DPYSL2: variants seen among roughly 807,000 people sequenced by gnomAD.
The protein encoded by DPYSL2 is dihydropyrimidinase like 2, also known as dihydropyrimidinase-related protein 2.
A neutral mutation model predicts 69.9 loss-of-function variants in DPYSL2; 13 were observed. The ratio of observed to expected loss-of-function variants is 0.19; its 90% CI spans 0.12 to 0.30. DPYSL2 has a LOEUF of 0.30. Ranked by LOEUF, DPYSL2 falls within the 10% of genes least tolerant of loss-of-function variation. The probability of loss-of-function intolerance (pLI) is 1.00; values close to 1 mark genes in which losing one functional copy is unlikely to be tolerated. For synonymous variants in DPYSL2, 326 were observed against 359.1 expected, an observed-to-expected ratio of 0.91 and a Z score of 1.04; for missense variants, 587 against 918.9, an observed-to-expected ratio of 0.64 and a Z score of 4.67.
chr8:26,569,929 G>C (rs1298968999), intron 1 of DPYSL2, among the ~76,000 whole-genome samples: 1 of 152,176 alleles, frequency 6.6e-6, no homozygotes, highest in Non-Finnish European at 1.5e-5. Flanking sequence ...GATCAGTCGG[G>C]CGCGGTGGCT....
rs1385249051 is a variant in DPYSL2 at position 26,593,589 on chromosome 8, T to A, written c.628+9606T>A. On this transcript the variant is annotated intron_variant, in intron 3 of 13. Coordinates refer to ENST00000521913, the MANE Select transcript of DPYSL2 (RefSeq NM_001197293.3). The surrounding 1 kb of genome is among the most constrained non-coding windows in gnomAD (Gnocchi z 5.7). ...AAGCTTAACCATGGAGGGGCTGAGC[T>A]AATTGTCACCAGAAAGAGCCTCCTC... 3.3e-5 allele frequency among the ~76,000 whole-genome samples: 5 copies of A among 152,182 alleles called. No homozygotes were observed. The highest frequency in any genetic ancestry group is 7.4e-5 in the Non-Finnish European group (5 of 68,022).
At chr8:26,543,831 T>C (rs905116940) in intron 1 of DPYSL2, among the ~76,000 whole-genome samples, 4 of 152,184 alleles carry the variant, frequency 2.6e-5, no homozygotes, top group Admixed American at 2.6e-4. Context: ...AGGGTGTTCC[T>C]ATTTAAAAGA....
chr8:26,542,689 G>T (rs1007029305), intron 1 of DPYSL2, among the ~76,000 whole-genome samples: 18 of 152,108 alleles, frequency 1.2e-4, no homozygotes, highest in Admixed American at 1.2e-3. Flanking sequence ...TCCTCATAAA[G>T]TGTTGGGATT....
At chr8:26,577,316 G>A in intron 1 of DPYSL2, 1 of 241,630 alleles carries the variant, frequency 4.1e-6, no homozygotes, top group Non-Finnish European at 8.0e-6. Context: ...CTCCCCGCCG[G>A]GTTCCCGCCC....
rs1800948958 is a variant in DPYSL2 at position 26,556,110 on chromosome 8, A to ATATAGTATATATATACTATATATAG, written c.355-25855_355-25854insGTATATATATACTATATATAGTATA. On this transcript the variant is annotated intron_variant, in intron 1 of 13. Coordinates refer to ENST00000521913, the MANE Select transcript of DPYSL2 (RefSeq NM_001197293.3). ...ATACTATATAAATTATATATAGTAT[A>ATATAGTATATATATACTATATATAG]TATATACTATATATATTATATATAC... Among the ~76,000 whole-genome samples, 6 of 14,928 alleles carry ATATAGTATATATATACTATATATAG rather than the reference A, an allele frequency of 4.0e-4. 1 individual carries two copies. The highest frequency in any genetic ancestry group is 6.1e-4 in the Non-Finnish European group (4 of 6,510). 9.8% of individuals were successfully genotyped at this position (14,928 alleles called of 152,430 possible).
chr8:26,629,840 C>T (rs974930688), intron 7 of DPYSL2, among the ~76,000 whole-genome samples: 1 of 152,218 alleles, frequency 6.6e-6, no homozygotes, highest in African/African-American at 2.4e-5. Flanking sequence ...AGCTATCCTC[C>T]CACCTCTTAG....
At chr8:26,519,354 A>G (rs942269812) in intron 1 of DPYSL2, among the ~76,000 whole-genome samples, 4 of 152,150 alleles carry the variant, frequency 2.6e-5, no homozygotes. Context: ...ATGTCCTGAA[A>G]ACTACTTCAT....
intron 10 of DPYSL2, among the ~76,000 whole-genome samples, chr8:26,646,081 G>T (rs1299856075): frequency 3.3e-5 from 5 of 151,690 alleles, no homozygotes; most frequent in Non-Finnish European, 5.9e-5. Context: ...GGCCAAGCTG[G>T]TCTCAAACTC....
rs1802080190 is a variant in DPYSL2, at chr8:26,605,066, A to G, written c.629-19077A>G. 1.3e-5 allele frequency among the ~76,000 whole-genome samples: 2 copies of G among 152,108 alleles called. No individual in the cohort carries two copies. The highest frequency in any genetic ancestry group is 4.8e-5 in the African/African-American group (2 of 41,410). On this transcript the variant is annotated intron_variant, in intron 3 of 13. Coordinates refer to ENST00000521913, the MANE Select transcript of DPYSL2 (RefSeq NM_001197293.3). This position sits in a 1 kb window ranked among gnomAD's most constrained non-coding sequence, Gnocchi z 4.1. The stretch of plus-strand genomic sequence containing the variant: ...AAAGGCGTTATGTTCTGCATTGTAA[A>G]TGTGCGGAAATCAGTCACCCAGTCA...
At chr8:26,596,055 T>C (rs1209626051) in intron 3 of DPYSL2, among the ~76,000 whole-genome samples, 1 of 152,082 alleles carries the variant, frequency 6.6e-6, no homozygotes, top group Non-Finnish European at 1.5e-5. Context: ...GATGGGTCCA[T>C]CCTTAAAGCA....
At chr8:26,538,354 T>C (rs887854785) in intron 1 of DPYSL2, among the ~76,000 whole-genome samples, 2 of 152,138 alleles carry the variant, frequency 1.3e-5, no homozygotes, top group African/African-American at 4.8e-5. Context: ...CAGTGGAGCA[T>C]GAAAACTGAG....
chr8:26,627,971 C>G lies in DPYSL2; in HGVS notation c.1005+31C>G, dbSNP rs1420361885. 2 of 1,607,562 alleles carry G rather than the reference C, an allele frequency of 1.2e-6. No individual in the cohort carries two copies. The highest frequency in any genetic ancestry group is 1.7e-6 in the Non-Finnish European group (2 of 1,177,330). ...TGTTCACCAAGCGGAATGCGTGAAT[C>G]AGTGTCCCTTGGGCACTGTGCAGAG... On this transcript the variant is annotated intron_variant, in intron 7 of 13. Transcript: ENST00000521913. This position sits in a 1 kb window ranked among gnomAD's most constrained non-coding sequence, Gnocchi z 6.9.
At chr8:26,539,414 A>G (rs1396807520) in intron 1 of DPYSL2, among the ~76,000 whole-genome samples, 1 of 152,244 alleles carries the variant, frequency 6.6e-6, no homozygotes, top group African/African-American at 2.4e-5. Flanking sequence ...CTCTACTTTT[A>G]GCATACGTTG....
intron 3 of DPYSL2, among the ~76,000 whole-genome samples, chr8:26,616,114 ACTT>A (rs1321251344): frequency 6.6e-6 from 1 of 152,160 alleles, no homozygotes; most frequent in Non-Finnish European, 1.5e-5. Context: ...GAGAGTTTGA[ACTT>A]CTTGTCTAAA....
chr8:26,579,077 C>T (rs1801426067), intron 1 of DPYSL2, among the ~76,000 whole-genome samples: 1 of 152,204 alleles, frequency 6.6e-6, no homozygotes, highest in African/African-American at 2.4e-5. Context: ...TTGGTGCATA[C>T]AAAGCGGACT....
intron 1 of DPYSL2, chr8:26,578,290 C>A (rs1801406408): frequency 6.2e-7 from 1 of 1,614,114 alleles, no homozygotes; most frequent in Non-Finnish European, 8.5e-7. Flanking sequence ...TTCCACGCAT[C>A]ACGGTGAGTT....
chr8:26,603,932 G>A (rs1266226039), intron 3 of DPYSL2, among the ~76,000 whole-genome samples: 1 of 152,152 alleles, frequency 6.6e-6, no homozygotes, highest in Non-Finnish European at 1.5e-5. Context: ...TGTAAATAAT[G>A]CTGCTATGAA....
intron 13 of DPYSL2, among the ~76,000 whole-genome samples, chr8:26,655,397 C>T (rs542369203): frequency 7.2e-5 from 11 of 151,896 alleles, no homozygotes; most frequent in South Asian, 2.1e-4. Flanking sequence ...TTGAGGGGGC[C>T]GAGTGGGAGG....
chr8:26,630,207 C>T (rs969775290), intron 7 of DPYSL2, among the ~76,000 whole-genome samples: 1 of 152,244 alleles, frequency 6.6e-6, no homozygotes, highest in African/African-American at 2.4e-5. Flanking sequence ...GGCACCATCC[C>T]CCTTTGCAGA....
Sources: gnomAD v4.1 joint callset for allele counts (sites outside exome capture counted in the v4.1 genomes callset) on GRCh38, gnomAD v4.1.1 for gene constraint, Gnocchi (gnomAD v3.1) non-coding constraint, MANE v1.5 for transcripts, NCBI Gene and HGNC (gene_info 2026-07-23, HGNC 2026-07-21) for gene names.